The following KCNQ5 variants were observed in gnomAD, a reference collection of about 807,000 sequenced individuals.
KCNQ5 encodes the protein potassium voltage-gated channel subfamily KQT member 5.
KCNQ5 carries 30 observed loss-of-function variants against 98.2 expected under a neutral mutation model. The ratio of observed to expected loss-of-function variants is 0.31; its 90% CI spans 0.23 to 0.41. The LOEUF is 0.41. KCNQ5 is among the 10% of genes least tolerant of loss of function. The pLI, the probability that KCNQ5 is intolerant of heterozygous loss-of-function variation, is 1.00. For synonymous variants in KCNQ5, 458 were observed against 449.4 expected (o/e 1.02, Z -0.24); for missense variants, 835 against 1,182.5 (o/e 0.71, Z 4.31).
chr6:73,105,722 T>A (rs1774971001), intron 6 of KCNQ5, among the ~76,000 whole-genome samples: 1 of 152,210 alleles, frequency 6.6e-6, no homozygotes, highest in South Asian at 2.1e-4. Flanking sequence ...TTATAATGTG[T>A]GCTACTTAAG....
chr6:73,127,085 C>A (rs1222713366), intron 9 of KCNQ5, among the ~76,000 whole-genome samples: 1 of 152,114 alleles, frequency 6.6e-6, no homozygotes, highest in East Asian at 1.9e-4. Context: ...ATAATGAATG[C>A]AGAAAGGCTA....
At chr6:72,926,275 A>C (rs1008548892) in intron 1 of KCNQ5, among the ~76,000 whole-genome samples, 3 of 152,206 alleles carry the variant, frequency 2.0e-5, no homozygotes, top group Admixed American at 6.6e-5. Flanking sequence ...AATTAGTATT[A>C]CTGCTGCAAG....
At chr6:72,951,649 G>A (rs554246733) in intron 1 of KCNQ5, among the ~76,000 whole-genome samples, 55 of 152,124 alleles carry the variant, frequency 3.6e-4, no homozygotes, top group African/African-American at 1.3e-3. Flanking sequence ...TAACCTTTCA[G>A]TAATTATAAA....
chr6:72,634,441 G>T (rs2098922801), intron 1 of KCNQ5, among the ~76,000 whole-genome samples: 1 of 151,882 alleles, frequency 6.6e-6, no homozygotes, highest in African/African-American at 2.4e-5. Context: ...TTCTAATTTG[G>T]TTTTTATCTA....
Position 73,195,213 on chromosome 6 carries a change from A to G in KCNQ5, c.2598A>G (p.Glu866=). The G allele has an allele frequency of 6.2e-7, 1 of 1,614,192 alleles. No individual in the cohort carries two copies. Among genetic ancestry groups the G allele is most frequent in the Non-Finnish European group, 8.5e-7 (1 of 1,180,016 alleles). Residue 866 remains glutamate (E), a synonymous_variant, in exon 14 of 14, where the codon GAA becomes GAG. Coordinates refer to ENST00000370398, the MANE Select transcript of KCNQ5 (RefSeq NM_019842.4). ...AAGATTTTTACCCCAAATGGAGGGA[A>G]TCCAAATTGTTTATAACTGATGAAG... ...GSQDFYPKWR[E]SKLFITDEEV... is the part of the protein sequence containing the mutation.
chr6:73,146,297 CT>C (rs1469076428), intron 10 of KCNQ5, among the ~76,000 whole-genome samples: 15 of 152,102 alleles, frequency 9.9e-5, no homozygotes, highest in Non-Finnish European at 4.4e-5. Flanking sequence ...ATGTTTCTCC[CT>C]AAGATGAAGT....
chr6:73,078,011 A>G (rs1773604353), intron 5 of KCNQ5, 124 bp downstream of exon 5: 1 of 739,260 alleles, frequency 1.4e-6, no homozygotes, highest in Non-Finnish European at 2.0e-6. Flanking sequence ...GTTATATGGA[A>G]AATAAATACT....
chr6:72,870,266 T>C (rs1298923127), intron 1 of KCNQ5, among the ~76,000 whole-genome samples: 2 of 151,964 alleles, frequency 1.3e-5, no homozygotes, highest in Non-Finnish European at 2.9e-5. Context: ...GTCTTTTGGG[T>C]TTTTTGTTTT....
At chr6:73,163,993 T>A (rs1022243237) in intron 10 of KCNQ5, among the ~76,000 whole-genome samples, 27 of 152,334 alleles carry the variant, frequency 1.8e-4, no homozygotes, top group Non-Finnish European at 2.6e-4. Context: ...AATAATTATC[T>A]TACTTGTTTT....
At chr6:72,874,085 T>C (rs1778314595) in intron 1 of KCNQ5, among the ~76,000 whole-genome samples, 1 of 151,958 alleles carries the variant, frequency 6.6e-6, no homozygotes, top group African/African-American at 2.4e-5. Context: ...ATTTAATGTT[T>C]TAATTATGAT....
At chr6:72,760,971 T>C (rs1054918574) in intron 1 of KCNQ5, among the ~76,000 whole-genome samples, 2 of 152,166 alleles carry the variant, frequency 1.3e-5, no homozygotes, top group Admixed American at 6.6e-5. Flanking sequence ...TCATGATATT[T>C]TTACCCATAT....
chr6:72,787,746 C>A (rs1773829485), intron 1 of KCNQ5, among the ~76,000 whole-genome samples: 1 of 152,318 alleles, frequency 6.6e-6, no homozygotes, highest in Admixed American at 6.5e-5. Flanking sequence ...ATCCCTGTTC[C>A]TATTCACCTC....
chr6:72,859,345 G>A (rs142645277), intron 1 of KCNQ5, among the ~76,000 whole-genome samples: 193 of 152,140 alleles, frequency 1.3e-3, no homozygotes, highest in African/African-American at 4.5e-3. Flanking sequence ...AAGCATGGGT[G>A]GCAAAAGTTA....
chr6:73,151,958 A>G (rs1444348042), intron 10 of KCNQ5, among the ~76,000 whole-genome samples: 1 of 152,036 alleles, frequency 6.6e-6, no homozygotes, highest in African/African-American at 2.4e-5. Flanking sequence ...ATCTGGACCA[A>G]TTTCCCTCTC....
At chr6:72,704,636 A>AT (rs1380495140) in intron 1 of KCNQ5, among the ~76,000 whole-genome samples, 4 of 107,274 alleles carry the variant, frequency 3.7e-5, no homozygotes, top group African/African-American at 1.2e-4. Flanking sequence ...GTTATAAATG[A>AT]TAAAAAAAAA....
chr6:72,754,629 C>G (rs1217830768), intron 1 of KCNQ5, among the ~76,000 whole-genome samples: 2 of 151,628 alleles, frequency 1.3e-5, no homozygotes, highest in African/African-American at 4.8e-5. Context: ...TTATCAGGCC[C>G]CAATGTTGAT....
chr6:73,035,509 C>T (rs951232288), intron 2 of KCNQ5, among the ~76,000 whole-genome samples: 22 of 152,324 alleles, frequency 1.4e-4, no homozygotes, highest in African/African-American at 5.1e-4. Context: ...ACTGCTTTAT[C>T]CTGAGGTACA....
At chr6:72,756,222 C>A (rs1038973329) in intron 1 of KCNQ5, among the ~76,000 whole-genome samples, 17 of 152,154 alleles carry the variant, frequency 1.1e-4, no homozygotes, top group Non-Finnish European at 4.4e-5. Context: ...GCATATCACT[C>A]TTTGAACTTA....
At chr6:72,917,994 G>A (rs982721652) in intron 1 of KCNQ5, among the ~76,000 whole-genome samples, 1 of 152,094 alleles carries the variant, frequency 6.6e-6, no homozygotes, top group African/African-American at 2.4e-5. Flanking sequence ...CCCACTAGAC[G>A]CAATAGCACC....
Sources: allele counts gnomAD v4.1 joint callset (sites outside exome capture counted in the v4.1 genomes callset), GRCh38; gene constraint gnomAD v4.1.1; transcripts MANE v1.5; gene names NCBI Gene and HGNC (gene_info 2026-07-23, HGNC 2026-07-21).